The following GPC5 variants were observed in gnomAD, a reference collection of about 807,000 sequenced individuals.
GPC5 encodes the protein glypican-5.
A neutral mutation model predicts 53.9 loss-of-function variants in GPC5; 47 were observed. That is an observed-to-expected ratio of 0.87 (90% confidence interval 0.69 to 1.11). GPC5 has a LOEUF of 1.11. GPC5 is among the 50% of genes most tolerant of loss of function. GPC5 has a pLI of 0.00. For missense variants in GPC5, 748 were observed against 713.1 expected, an observed-to-expected ratio of 1.05 and a Z score of -0.56; for synonymous variants, 286 against 263.3, an observed-to-expected ratio of 1.09 and a Z score of -0.84.
At chr13:91,505,854 C>T (rs913214545) in intron 2 of GPC5, among the ~76,000 whole-genome samples, 1 of 152,084 alleles carries the variant, frequency 6.6e-6, no homozygotes, top group African/African-American at 2.4e-5. Context: ...TGATAATTTC[C>T]CAGATACTCT....
chr13:92,305,417 T>C (rs1371305789), intron 7 of GPC5, among the ~76,000 whole-genome samples: 1 of 152,190 alleles, frequency 6.6e-6, no homozygotes, highest in Non-Finnish European at 1.5e-5. Flanking sequence ...TGTTATAGTA[T>C]ACACTGAAAA....
At chr13:92,808,492 T>C (rs1877182405) in intron 7 of GPC5, among the ~76,000 whole-genome samples, 1 of 152,092 alleles carries the variant, frequency 6.6e-6, no homozygotes. Flanking sequence ...GATTTCTAAG[T>C]GAATTGCTTT....
intron 7 of GPC5, among the ~76,000 whole-genome samples, chr13:92,271,781 A>G (rs1349635518): frequency 6.6e-6 from 1 of 152,156 alleles, no homozygotes; most frequent in African/African-American, 2.4e-5. Flanking sequence ...AGTGTATGTG[A>G]CTAGGTAAGT....
At chr13:91,796,182 G>A (rs2038043336) in intron 5 of GPC5, among the ~76,000 whole-genome samples, 1 of 152,138 alleles carries the variant, frequency 6.6e-6, no homozygotes, top group African/African-American at 2.4e-5. Context: ...GAAAGGAACC[G>A]TGGAACCCAA....
At chr13:92,741,115 T>C (rs1468009041) in intron 7 of GPC5, among the ~76,000 whole-genome samples, 1 of 150,846 alleles carries the variant, frequency 6.6e-6, no homozygotes, top group South Asian at 2.1e-4. Context: ...TTCAAATGTA[T>C]GTTGGAAATG....
At position 92,527,249 on chromosome 13, in the gene GPC5, G is replaced by GAAAGAAAGAAAGAA. The variant is rs1281380893; in HGVS notation, c.1562-339032_1562-339031insAAGAAAGAAAGAAA. ...AGAAAGAAAGAAAGAAAGAAAGAAA[G>GAAAGAAAGAAAGAA]AGAAAGAAAGAAAGAAAGAAAGAAA... On this transcript the variant is annotated intron_variant, in intron 7 of 7. Transcript: ENST00000377067. Among the ~76,000 whole-genome samples the GAAAGAAAGAAAGAA allele has an allele frequency of 4.6e-4, 15 of 32,718 alleles. 2 individuals are homozygous for GAAAGAAAGAAAGAA. Among genetic ancestry groups the GAAAGAAAGAAAGAA allele is most frequent in the Non-Finnish European group, 5.1e-4 (8 of 15,682 alleles). The allele number at this position is 32,718 out of a possible 152,430, so 21.5% of individuals were successfully genotyped here.
Position 92,338,205 on chromosome 13 carries a change from GATC to G in GPC5, c.1561+193221_1561+193223del, listed in dbSNP as rs1397845179. ...CATATAAAATATGCTGCACATTTTA[GATC>G]ATCAGGCAAATGCAAATTAAAACAA... is the stretch of plus-strand genomic sequence containing the variant. On this transcript the variant is annotated intron_variant, in intron 7 of 7. Coordinates refer to ENST00000377067, the MANE Select transcript of GPC5 (RefSeq NM_004466.6). Among the ~76,000 whole-genome samples the G allele has an allele frequency of 1.7e-4, 26 of 151,966 alleles. 1 individual carries two copies. The highest frequency in any genetic ancestry group is 1.7e-3 in the Admixed American group (26 of 15,226).
intron 6 of GPC5, among the ~76,000 whole-genome samples, chr13:92,112,922 C>T (rs763387049): frequency 7.9e-5 from 12 of 152,110 alleles, no homozygotes; most frequent in Non-Finnish European, 1.6e-4. Flanking sequence ...TAAAAGGTGC[C>T]GCAAAACTGA....
intron 7 of GPC5, among the ~76,000 whole-genome samples, chr13:92,583,954 T>G (rs1883451393): frequency 6.6e-6 from 1 of 152,130 alleles, no homozygotes; most frequent in Admixed American, 6.5e-5. Context: ...TGTGACTTGC[T>G]CCTCCTTGCC....
At chr13:91,641,837 T>C (rs1009403098) in intron 2 of GPC5, among the ~76,000 whole-genome samples, 1 of 152,208 alleles carries the variant, frequency 6.6e-6, no homozygotes, top group African/African-American at 2.4e-5. Flanking sequence ...TGAGTTCGAA[T>C]TGGAGTTGGG....
intron 6 of GPC5, among the ~76,000 whole-genome samples, chr13:91,942,256 A>G (rs192128756): frequency 1.1e-4 from 16 of 152,238 alleles, no homozygotes; most frequent in African/African-American, 3.8e-4. Context: ...TCAGAATTAT[A>G]TGAGTAAAAA....
chr13:92,860,936 C>T (rs1321724122), intron 7 of GPC5, among the ~76,000 whole-genome samples: 1 of 151,894 alleles, frequency 6.6e-6, no homozygotes, highest in Non-Finnish European at 1.5e-5. Flanking sequence ...TATTCATTCA[C>T]CTAATTATTG....
intron 2 of GPC5, among the ~76,000 whole-genome samples, chr13:91,541,843 T>TCATAACAAA (rs141146615): frequency 0.85 from 128,908 of 151,116 alleles, 56,539 homozygotes; most frequent in East Asian, 1. Context: ...AAAGCAGTGA[T>TCATAACAAA]CATTCTTATT....
chr13:92,534,369 G>A (rs983945645), intron 7 of GPC5, among the ~76,000 whole-genome samples: 15 of 152,156 alleles, frequency 9.9e-5, no homozygotes, highest in African/African-American at 3.6e-4. Context: ...CACCTTGGAA[G>A]AATATACTTC....
intron 6 of GPC5, among the ~76,000 whole-genome samples, chr13:91,918,402 C>T (rs2039680615): frequency 6.6e-6 from 1 of 152,146 alleles, no homozygotes; most frequent in Non-Finnish European, 1.5e-5. Context: ...GGAACATCTC[C>T]TTAATACTGA....
At chr13:92,087,324 G>A (rs935127184) in intron 6 of GPC5, among the ~76,000 whole-genome samples, 2 of 152,168 alleles carry the variant, frequency 1.3e-5, no homozygotes, top group Middle Eastern at 3.4e-3. Context: ...TACTGTAAAC[G>A]TTAAGAATGT....
intron 7 of GPC5, among the ~76,000 whole-genome samples, chr13:92,637,514 T>C (rs1003331495): frequency 6.6e-6 from 1 of 152,276 alleles, no homozygotes; most frequent in Non-Finnish European, 1.5e-5. Context: ...CAAAAAACCT[T>C]GAATCAGTTA....
intron 2 of GPC5, among the ~76,000 whole-genome samples, chr13:91,667,856 A>T (rs2035153989): frequency 6.6e-6 from 1 of 152,190 alleles, no homozygotes; most frequent in African/African-American, 2.4e-5. Flanking sequence ...CTAGAGAACT[A>T]GGCAATCTCA....
chr13:92,831,518 TATTCAA>T (rs1878043166), intron 7 of GPC5, among the ~76,000 whole-genome samples: 1 of 152,176 alleles, frequency 6.6e-6, no homozygotes, highest in South Asian at 2.1e-4. Context: ...TTTCAGTGAT[TATTCAA>T]TTATTAAGTT....
Sources: gnomAD v4.1 joint callset for allele counts (sites outside exome capture counted in the v4.1 genomes callset) on GRCh38, gnomAD v4.1.1 for gene constraint, MANE v1.5 for transcripts, NCBI Gene and HGNC (gene_info 2026-07-23, HGNC 2026-07-21) for gene names.